The following DOCK5 variants were observed in gnomAD, a reference collection of about 807,000 sequenced individuals.
DOCK5 encodes dedicator of cytokinesis protein 5.
A neutral mutation model predicts 251.8 loss-of-function variants in DOCK5; 142 were observed. The ratio of observed to expected loss-of-function variants is 0.56; its 90% CI spans 0.49 to 0.65. The LOEUF is 0.65. DOCK5 is among the 30% of genes least tolerant of loss of function. The probability of loss-of-function intolerance (pLI) is 0.00; values close to 1 mark genes in which losing one functional copy is unlikely to be tolerated. For synonymous variants in DOCK5, 842 were observed against 835.5 expected, an observed-to-expected ratio of 1.01 and a Z score of -0.13; for missense variants, 2,111 against 2,312.3, an observed-to-expected ratio of 0.91 and a Z score of 1.79.
chr8:25,319,539 C>T (rs777466750), intron 14 of DOCK5, 39 bp from the exon 15 acceptor site: 1 of 1,485,766 alleles, frequency 6.7e-7, no homozygotes, highest in South Asian at 1.2e-5. Flanking sequence ...CTTTTCTAAA[C>T]AAAATTATTC....
intron 1 of DOCK5, among the ~76,000 whole-genome samples, chr8:25,230,889 C>T (rs539173384): frequency 1.3e-5 from 2 of 152,066 alleles, no homozygotes; most frequent in East Asian, 1.9e-4. Context: ...ACACCATTTG[C>T]GAAGAGTATG....
At chr8:25,374,410 A>C (rs1287070977) in intron 36 of DOCK5, among the ~76,000 whole-genome samples, 154 bp from the exon 37 acceptor site, 1 of 152,176 alleles carries the variant, frequency 6.6e-6, no homozygotes, top group Non-Finnish European at 1.5e-5. Flanking sequence ...TGGGTGGATC[A>C]CTTGAGCCCT....
chr8:25,269,011 C>T (rs372041392), intron 3 of DOCK5, 126 bp downstream of exon 3: 2 of 786,740 alleles, frequency 2.5e-6, no homozygotes, highest in South Asian at 1.7e-5. Flanking sequence ...TTTGATGGCT[C>T]TTCTTTGGAT....
chr8:25,270,085 A>T (rs1803866252), intron 3 of DOCK5, among the ~76,000 whole-genome samples: 1 of 152,198 alleles, frequency 6.6e-6, no homozygotes, highest in African/African-American at 2.4e-5. Context: ...GTTAACTTTG[A>T]CAGTTTATTC....
At chr8:25,301,897 A>G (rs1804774794) in intron 9 of DOCK5, among the ~76,000 whole-genome samples, 1 of 152,174 alleles carries the variant, frequency 6.6e-6, no homozygotes, top group Non-Finnish European at 1.5e-5. Flanking sequence ...AGGAAATGAA[A>G]TGTCACAGAC....
chr8:25,233,429 G>A (rs111526592), intron 1 of DOCK5, among the ~76,000 whole-genome samples: 3,884 of 152,226 alleles, frequency 0.026, 191 homozygotes, highest in African/African-American at 0.089. Flanking sequence ...TCCAACCCAC[G>A]TCATCCCAGA....
At chr8:25,278,760 A>T in intron 5 of DOCK5, 95 bp downstream of exon 5, 3 of 1,053,022 alleles carry the variant, frequency 2.8e-6, no homozygotes, top group South Asian at 1.4e-5. Flanking sequence ...TGCTGACTTC[A>T]TGGAGTGGGA....
chr8:25,280,812 G>C (rs749430755), intron 5 of DOCK5, among the ~76,000 whole-genome samples: 1 of 152,118 alleles, frequency 6.6e-6, no homozygotes, highest in Non-Finnish European at 1.5e-5. Context: ...CACTTATATT[G>C]AGAGTACTCT....
chr8:25,266,560 G>T (rs1462584091), intron 2 of DOCK5, among the ~76,000 whole-genome samples: 1 of 151,860 alleles, frequency 6.6e-6, no homozygotes, highest in Non-Finnish European at 1.5e-5. Context: ...AAATACGCGG[G>T]ATTAATTGGA....
chr8:25,399,921 C>G lies in DOCK5; in HGVS notation c.4715C>G (p.Thr1572Arg), dbSNP rs1175815423. ...TATGCTTTTTTTTAGGCTTTTTTTA[C>G]AGAAAAGTACTTGCAGGAGCATCCT... ...GFSNYEKAFF[T>R]EKYLQEHPED... is the part of the protein sequence containing the mutation. The change falls in exon 46 of 52, where the codon ACA becomes AGA. Residue 1572 changes from threonine (T) to arginine (R), a missense_variant. Around this residue, in one of 3 missense-constraint regions of DOCK5, gnomAD observed 1,717 missense variants for 1,892.4 expected, o/e 0.91. Coordinates refer to ENST00000276440, the MANE Select transcript of DOCK5 (RefSeq NM_024940.8). 6.2e-7 allele frequency: 1 copy of G among 1,612,448 alleles called. No individual in the cohort carries two copies. Among genetic ancestry groups the G allele is most frequent in the Non-Finnish European group, 8.5e-7 (1 of 1,179,212 alleles).
At chr8:25,355,797 A>G (rs574320133) in intron 27 of DOCK5, among the ~76,000 whole-genome samples, 19 of 152,324 alleles carry the variant, frequency 1.2e-4, no homozygotes, top group Admixed American at 2.0e-4. Context: ...TTCTTTAACA[A>G]TGGAAGCTAT....
intron 39 of DOCK5, among the ~76,000 whole-genome samples, chr8:25,381,642 A>T (rs1458083991): frequency 6.6e-6 from 1 of 151,978 alleles, no homozygotes; most frequent in Non-Finnish European, 1.5e-5. Flanking sequence ...AAAAAAAAAA[A>T]TTTCATCAAC....
intron 25 of DOCK5, among the ~76,000 whole-genome samples, chr8:25,343,790 A>T (rs138653529): frequency 7.9e-5 from 12 of 152,230 alleles, no homozygotes; most frequent in African/African-American, 2.6e-4. Flanking sequence ...GGCAAACATG[A>T]TAAAGCAAGC....
chr8:25,318,254 ATT>A (rs34631695), intron 14 of DOCK5, among the ~76,000 whole-genome samples: 1 of 151,288 alleles, frequency 6.6e-6, no homozygotes, highest in Non-Finnish European at 1.5e-5. Context: ...TGCTCGACTG[ATT>A]TTTTTTATAT....
chr8:25,390,478 G>A (rs1341797050), intron 42 of DOCK5, among the ~76,000 whole-genome samples, 191 bp downstream of exon 42: 1 of 152,144 alleles, frequency 6.6e-6, no homozygotes, highest in Admixed American at 6.5e-5. Context: ...CCTCACACCT[G>A]TTTGGAGTAC....
chr8:25,193,876 TTA>T (rs1285435342), intron 1 of DOCK5, among the ~76,000 whole-genome samples: 1 of 152,200 alleles, frequency 6.6e-6, no homozygotes, highest in East Asian at 1.9e-4. Flanking sequence ...TTGCTCACCC[TTA>T]GCTAGGAACT....
rs1805053160 is a variant in DOCK5 at position 25,310,229 on chromosome 8, A to G, written c.1193-178A>G. ...TGTTCACATCTCTGTCAAATTCTCAAAGAGGTCCTGTTGTGATTTTAATGG... is the reference window on the plus strand; with the variant it reads ...TGTTCACATCTCTGTCAAATTCTCAGAGAGGTCCTGTTGTGATTTTAATGG... On this transcript the variant is annotated intron_variant, in intron 12 of 51. Transcript: ENST00000276440. 1.3e-5 allele frequency among the ~76,000 whole-genome samples: 2 copies of G among 152,174 alleles called. 1 individual carries two copies. Among genetic ancestry groups the G allele is most frequent in the South Asian group, 4.2e-4 (2 of 4,818 alleles).
intron 1 of DOCK5, among the ~76,000 whole-genome samples, chr8:25,195,418 C>T (rs1055618): frequency 0.07 from 10,710 of 152,198 alleles, 528 homozygotes; most frequent in South Asian, 0.22. Flanking sequence ...AGGCAAGAAC[C>T]TGACATTGCC....
intron 40 of DOCK5, among the ~76,000 whole-genome samples, chr8:25,386,287 A>C (rs1035498576): frequency 6.6e-6 from 1 of 152,116 alleles, no homozygotes; most frequent in African/African-American, 2.4e-5. Context: ...AAGAATAAAG[A>C]GTGGAAGGTC....
Sources: allele counts gnomAD v4.1 joint callset (sites outside exome capture counted in the v4.1 genomes callset), GRCh38; gene constraint gnomAD v4.1.1; regional missense constraint gnomAD v4.1.1; transcripts MANE v1.5; gene names NCBI Gene and HGNC (gene_info 2026-07-23, HGNC 2026-07-21).